Variants in UBE2R2 observed in about 807,000 individuals in gnomAD.
UBE2R2 encodes the protein ubiquitin conjugating enzyme E2 R2.
Under a neutral mutation model 27.8 loss-of-function variants are expected in UBE2R2, and 1 was observed. The ratio of observed to expected loss-of-function variants is 0.04; its 90% CI spans 0.01 to 0.17. UBE2R2 has a LOEUF of 0.17. Ranked by LOEUF, UBE2R2 falls within the 10% of genes least tolerant of loss-of-function variation. The pLI, the probability that UBE2R2 is intolerant of heterozygous loss-of-function variation, is 1.00. For missense variants in UBE2R2, 100 were observed against 291.0 expected (o/e 0.34, Z 4.78); for synonymous variants, 106 against 113.3 (o/e 0.94, Z 0.41).
At chr9:33,831,486 G>T (rs562262129) in intron 1 of UBE2R2, among the ~76,000 whole-genome samples, 1 of 152,070 alleles carries the variant, frequency 6.6e-6, no homozygotes, top group East Asian at 1.9e-4. Flanking sequence ...GCGCCATCTC[G>T]GCTCACTGCA....
intron 1 of UBE2R2, among the ~76,000 whole-genome samples, chr9:33,860,003 C>T (rs1821194407): frequency 6.6e-6 from 1 of 152,052 alleles, no homozygotes; most frequent in African/African-American, 2.4e-5. Context: ...GACAAGGTCT[C>T]CCTGTGTTGC....
intron 1 of UBE2R2, among the ~76,000 whole-genome samples, chr9:33,878,995 A>G (rs1349871102): frequency 6.6e-6 from 1 of 152,108 alleles, no homozygotes; most frequent in Non-Finnish European, 1.5e-5. Context: ...AGTACCCAGC[A>G]TTTTAGGAGG....
At chr9:33,878,482 G>A (rs1445898876) in intron 1 of UBE2R2, among the ~76,000 whole-genome samples, 1 of 152,096 alleles carries the variant, frequency 6.6e-6, no homozygotes, top group African/African-American at 2.4e-5. Flanking sequence ...GCCAGGCCTG[G>A]TGGTGCACGT....
chr9:33,849,019 G>C (rs1368091149), intron 1 of UBE2R2, among the ~76,000 whole-genome samples: 3 of 152,078 alleles, frequency 2.0e-5, no homozygotes, highest in African/African-American at 2.4e-5. Context: ...TACTTTGGGA[G>C]GCCAAGGAGG....
intron 1 of UBE2R2, among the ~76,000 whole-genome samples, chr9:33,858,616 G>T (rs1227582396): frequency 6.6e-6 from 1 of 151,884 alleles, no homozygotes; most frequent in Non-Finnish European, 1.5e-5. Context: ...TGCCCAGGCT[G>T]GTCTTGAACT....
intron 4 of UBE2R2, 63 bp downstream of exon 4, chr9:33,912,161 G>A (rs60882935): frequency 1.4e-6 from 2 of 1,417,618 alleles, no homozygotes; most frequent in South Asian, 2.5e-5. Flanking sequence ...GGAACCAAGG[G>A]TTTAAATCAA....
chr9:33,904,900 A>C (rs1341161125), intron 3 of UBE2R2, among the ~76,000 whole-genome samples: 7 of 152,214 alleles, frequency 4.6e-5, no homozygotes, highest in African/African-American at 1.7e-4. Flanking sequence ...GGGAGTTGCC[A>C]CACGTCTTTG....
chr9:33,891,441 T>C (rs533023794), intron 2 of UBE2R2, among the ~76,000 whole-genome samples: 42 of 151,760 alleles, frequency 2.8e-4, no homozygotes, highest in African/African-American at 9.2e-4. Flanking sequence ...AGGCCAGGAG[T>C]TCAGGACTAG....
chr9:33,856,608 TATGTTATTTTA>T (rs1414307088), intron 1 of UBE2R2, among the ~76,000 whole-genome samples: 4 of 149,658 alleles, frequency 2.7e-5, no homozygotes, highest in African/African-American at 1.0e-4. Context: ...ATCAAGTGTT[TATGTTATTTTA>T]ACTATATATA....
chr9:33,874,041 G>A (rs755180329), intron 1 of UBE2R2, among the ~76,000 whole-genome samples: 3 of 150,982 alleles, frequency 2.0e-5, no homozygotes, highest in South Asian at 2.1e-4. Flanking sequence ...TCTGCTTCCC[G>A]AGTTCAAGCA....
At chr9:33,861,934 A>C (rs1587452280) in intron 1 of UBE2R2, among the ~76,000 whole-genome samples, 1 of 147,508 alleles carries the variant, frequency 6.8e-6, no homozygotes, top group Non-Finnish European at 1.5e-5. Flanking sequence ...GCTCAGTGCA[A>C]CCTCTGCCTT....
At chr9:33,834,989 A>G (rs903196265) in intron 1 of UBE2R2, among the ~76,000 whole-genome samples, 6 of 152,014 alleles carry the variant, frequency 3.9e-5, no homozygotes, top group African/African-American at 1.4e-4. Flanking sequence ...ATTACCCACA[A>G]TCACATTTCC....
intron 1 of UBE2R2, among the ~76,000 whole-genome samples, chr9:33,883,014 A>G (rs1821764157): frequency 6.6e-6 from 1 of 152,200 alleles, no homozygotes; most frequent in African/African-American, 2.4e-5. Context: ...GCTTGAACCC[A>G]GGAAGTGGAA....
rs1822700051 is a variant in UBE2R2, at chr9:33,918,124, A to C, written c.*887A>C. The C allele has an allele frequency of 6.5e-6, 1 of 153,188 alleles. No individual in the cohort carries two copies. Among genetic ancestry groups the C allele is most frequent in the Admixed American group, 6.5e-5 (1 of 15,282 alleles). 9.5% of individuals were successfully genotyped at this position (153,188 alleles called of 1,614,324 possible). ...CACTATGCTAAGTTTGGTTGATGCTACTGGGGGGAAAAAGTTGAAACTACT... is the reference window on the plus strand; with the variant it reads ...CACTATGCTAAGTTTGGTTGATGCTCCTGGGGGGAAAAAGTTGAAACTACT... On this transcript the variant is annotated 3_prime_UTR_variant, in exon 5 of 5. Coordinates refer to ENST00000263228, the MANE Select transcript of UBE2R2 (RefSeq NM_017811.4).
At chr9:33,866,076 C>T (rs1472556596) in intron 1 of UBE2R2, among the ~76,000 whole-genome samples, 1 of 151,914 alleles carries the variant, frequency 6.6e-6, no homozygotes, top group African/African-American at 2.4e-5. Flanking sequence ...AGGTGATCCA[C>T]CCACCTCAGC....
intron 1 of UBE2R2, among the ~76,000 whole-genome samples, chr9:33,877,627 T>G (rs1300396513): frequency 6.6e-6 from 1 of 152,186 alleles, no homozygotes; most frequent in Non-Finnish European, 1.5e-5. Context: ...TTAGGTTTGG[T>G]AAGGCTCTAA....
At chr9:33,862,233 C>A (rs995365041) in intron 1 of UBE2R2, among the ~76,000 whole-genome samples, 1 of 152,086 alleles carries the variant, frequency 6.6e-6, no homozygotes, top group Non-Finnish European at 1.5e-5. Flanking sequence ...TTAGTGATTT[C>A]GATGTCTTCC....
At chr9:33,837,849 TTTTTGATGTCTTGG>T (rs1820648062) in intron 1 of UBE2R2, among the ~76,000 whole-genome samples, 1 of 152,060 alleles carries the variant, frequency 6.6e-6, no homozygotes, top group Admixed American at 6.6e-5. Context: ...CAACATTCTG[TTTTTGATGTCTTGG>T]TTTTGATGTC....
At chr9:33,886,253 TATAAAA>T (rs1290599897) in intron 1 of UBE2R2, among the ~76,000 whole-genome samples, 1 of 152,238 alleles carries the variant, frequency 6.6e-6, no homozygotes, top group Non-Finnish European at 1.5e-5. Context: ...ATTATTTTGT[TATAAAA>T]ATAAAATGTA....
Sources: allele counts gnomAD v4.1 joint callset (sites outside exome capture counted in the v4.1 genomes callset), GRCh38; gene constraint gnomAD v4.1.1; transcripts MANE v1.5; gene names NCBI Gene and HGNC (gene_info 2026-07-23, HGNC 2026-07-21).